Variants in PCSK5 observed in about 807,000 individuals in gnomAD.
PCSK5 encodes proprotein convertase subtilisin/kexin type 5, also known as prohormone convertase 5.
In PCSK5, 129 loss-of-function variants were observed where a neutral mutation model predicts 233.2. The ratio of observed to expected loss-of-function variants is 0.55; its 90% CI spans 0.48 to 0.64. PCSK5 has a LOEUF of 0.64. Among genes scored for constraint, PCSK5 ranks in the 30% least tolerant of loss-of-function variants. The pLI, the probability that PCSK5 is intolerant of heterozygous loss-of-function variation, is 0.00. For synonymous variants in PCSK5, 825 were observed against 879.2 expected, an observed-to-expected ratio of 0.94 and a Z score of 1.09; for missense variants, 2,076 against 2,430.1, an observed-to-expected ratio of 0.85 and a Z score of 3.06.
chr9:76,035,705 C>T (rs1016902374), intron 5 of PCSK5, among the ~76,000 whole-genome samples: 1 of 152,086 alleles, frequency 6.6e-6, no homozygotes, highest in Admixed American at 6.6e-5. Flanking sequence ...ATGGATTAAG[C>T]ATTTAAACAG....
chr9:76,300,285 G>A (rs192835792), intron 27 of PCSK5, among the ~76,000 whole-genome samples: 1 of 152,318 alleles, frequency 6.6e-6, no homozygotes, highest in African/African-American at 2.4e-5. Flanking sequence ...AGACTTTATA[G>A]ATGTGTACAG....
At chr9:76,215,590 G>C (rs1423252910) in intron 20 of PCSK5, among the ~76,000 whole-genome samples, 1 of 152,178 alleles carries the variant, frequency 6.6e-6, no homozygotes, top group African/African-American at 2.4e-5. Flanking sequence ...GCCTCCAAGG[G>C]AGACGCTGAG....
intron 7 of PCSK5, among the ~76,000 whole-genome samples, chr9:76,086,628 AT>A (rs1355376865): frequency 6.6e-6 from 1 of 152,128 alleles, no homozygotes; most frequent in African/African-American, 2.4e-5. Context: ...TGTTTTTTTA[AT>A]TTTCTCGAAT....
chr9:75,997,921 G>A (rs1470646669), intron 3 of PCSK5, among the ~76,000 whole-genome samples: 3 of 152,120 alleles, frequency 2.0e-5, no homozygotes, highest in Non-Finnish European at 2.9e-5. Flanking sequence ...TTCTCTTTTA[G>A]TTTCCTGGTG....
chr9:76,093,982 C>G (rs1445057951), intron 7 of PCSK5, among the ~76,000 whole-genome samples: 1 of 152,292 alleles, frequency 6.6e-6, no homozygotes, highest in South Asian at 2.1e-4. Context: ...ACCTTTCTCT[C>G]TATTTCATGA....
chr9:76,227,481 A>T, intron 20 of PCSK5, 22 bp from the exon 21 acceptor site: 1 of 1,547,642 alleles, frequency 6.5e-7, no homozygotes, highest in Non-Finnish European at 8.9e-7. Flanking sequence ...AATGAAATAA[A>T]CAACTAGATT....
At chr9:76,357,134 TC>T (rs1304165582) in intron 37 of PCSK5, among the ~76,000 whole-genome samples, 1 of 152,232 alleles carries the variant, frequency 6.6e-6, no homozygotes, top group African/African-American at 2.4e-5. Context: ...TACAGTTGAA[TC>T]TTTCCTTCCA....
chr9:76,174,932 A>G, intron 13 of PCSK5, 54 bp from the exon 14 acceptor site: 1 of 1,509,322 alleles, frequency 6.6e-7, no homozygotes, highest in Middle Eastern at 1.8e-4. Context: ...AAGATGTTAC[A>G]GAGCTAAAGA....
intron 5 of PCSK5, among the ~76,000 whole-genome samples, chr9:76,042,066 G>A (rs1470836093): frequency 6.6e-6 from 1 of 152,078 alleles, no homozygotes; most frequent in Non-Finnish European, 1.5e-5. Context: ...GTGTTACCTT[G>A]TGTATTACGA....
Position 76,189,238 on chromosome 9 carries a change from C to T in PCSK5, c.2510+15C>T. 1 of 1,609,142 alleles carries T rather than the reference C, an allele frequency of 6.2e-7. No homozygotes were observed. Among genetic ancestry groups the T allele is most frequent in the East Asian group, 2.2e-5 (1 of 44,832 alleles). Reference sequence around the variant, plus strand: ...TCCTGCAAAAAGTAAGTGGATCTGCCCCCTGGGCCCTAGCATTTAGACCTA... The same window carrying T: ...TCCTGCAAAAAGTAAGTGGATCTGCTCCCTGGGCCCTAGCATTTAGACCTA... On this transcript the variant is annotated intron_variant, in intron 19 of 37. Coordinates refer to ENST00000674117, the MANE Select transcript of PCSK5 (RefSeq NM_001372043.1).
At chr9:76,219,266 A>G (rs770676153) in intron 20 of PCSK5, among the ~76,000 whole-genome samples, 3 of 152,200 alleles carry the variant, frequency 2.0e-5, no homozygotes, top group Non-Finnish European at 2.9e-5. Context: ...CTATGTGTTG[A>G]TGCAGAGAAA....
intron 14 of PCSK5, among the ~76,000 whole-genome samples, chr9:76,179,238 C>T (rs1823741887): frequency 6.6e-6 from 1 of 152,060 alleles, no homozygotes; most frequent in South Asian, 2.1e-4. Context: ...TCTACAAATC[C>T]AATCTTTTTA....
intron 3 of PCSK5, among the ~76,000 whole-genome samples, chr9:75,990,064 T>G (rs568698034): frequency 6.6e-6 from 1 of 152,304 alleles, no homozygotes; most frequent in African/African-American, 2.4e-5. Flanking sequence ...TTTTTACCTT[T>G]TGTTCAAATG....
chr9:76,267,054 G>T (rs535311674), intron 24 of PCSK5, among the ~76,000 whole-genome samples: 20 of 152,284 alleles, frequency 1.3e-4, no homozygotes, highest in Admixed American at 5.9e-4. Flanking sequence ...CTGCCAATCT[G>T]AATGAAGGCC....
rs74775822 is a variant in PCSK5 at position 76,358,543 on chromosome 9, G to T, written c.5285G>T (p.Arg1762Met). 6 of 1,612,448 alleles carry T rather than the reference G, an allele frequency of 3.7e-6. No homozygotes were observed. The highest frequency in any genetic ancestry group is 5.1e-6 in the Non-Finnish European group (6 of 1,179,728). ...DECILRTSKV[R>M]PATEHFKTAL... ...TGCATCCTTCGAACAAGCAAGGTTAGGCCTGCAACTGAGCATTTCAAGACA... is the reference window on the plus strand; with the variant it reads ...TGCATCCTTCGAACAAGCAAGGTTATGCCTGCAACTGAGCATTTCAAGACA... The change falls in exon 38 of 38, where the codon AGG becomes ATG. Residue 1762 changes from arginine to methionine, a missense_variant. Coordinates refer to ENST00000674117, the MANE Select transcript of PCSK5 (RefSeq NM_001372043.1).
chr9:76,160,769 C>CT (rs57054216), intron 12 of PCSK5, among the ~76,000 whole-genome samples: 38,590 of 148,312 alleles, frequency 0.26, 5,054 homozygotes, highest in Admixed American at 0.34. Context: ...AATCTGATAT[C>CT]TTTTTTTTTT....
At chr9:76,164,706 C>T (rs1311182230) in intron 12 of PCSK5, among the ~76,000 whole-genome samples, 2 of 152,160 alleles carry the variant, frequency 1.3e-5, no homozygotes, top group African/African-American at 4.8e-5. Flanking sequence ...TTTTCATACA[C>T]ATTCTTATTA....
intron 28 of PCSK5, among the ~76,000 whole-genome samples, chr9:76,307,060 C>A (rs1828725193): frequency 6.6e-5 from 1 of 15,208 alleles, no homozygotes; most frequent in Non-Finnish European, 1.2e-4. Flanking sequence ...ATCCATGTGC[C>A]CCTATGTTAA....
intron 3 of PCSK5, among the ~76,000 whole-genome samples, chr9:75,987,726 A>G (rs992294819): frequency 1.3e-5 from 2 of 152,214 alleles, no homozygotes; most frequent in African/African-American, 4.8e-5. Context: ...GTAGCCGCAA[A>G]GAGTGAACCC....
Sources: allele counts gnomAD v4.1 joint callset (sites outside exome capture counted in the v4.1 genomes callset), GRCh38; gene constraint gnomAD v4.1.1; transcripts MANE v1.5; gene names NCBI Gene and HGNC (gene_info 2026-07-23, HGNC 2026-07-21).